IPO7: variants seen among roughly 807,000 people sequenced by gnomAD.
IPO7 encodes the protein importin 7.
A neutral mutation model predicts 136.4 loss-of-function variants in IPO7; 13 were observed. That is an observed-to-expected ratio of 0.10 (90% CI 0.06 to 0.15). The LOEUF (loss-of-function observed/expected upper bound fraction) is 0.15. Ranked by LOEUF, IPO7 falls within the 10% of genes least tolerant of loss-of-function variation. The pLI, the probability that IPO7 is intolerant of heterozygous loss-of-function variation, is 1.00. For missense variants in IPO7, 857 were observed against 1,240.6 expected (o/e 0.69, Z 4.65); for synonymous variants, 403 against 404.4 (o/e 1.00, Z 0.04).
chr11:9,422,258 CAAAT>C (rs939178979), intron 8 of IPO7, among the ~76,000 whole-genome samples: 38 of 151,790 alleles, frequency 2.5e-4, no homozygotes, highest in African/African-American at 7.0e-4. Flanking sequence ...AACTCCATCT[CAAAT>C]AAATAAATAA....
chr11:9,427,539 C>T (rs868171380), intron 12 of IPO7, among the ~76,000 whole-genome samples: 1 of 152,214 alleles, frequency 6.6e-6, no homozygotes, highest in Non-Finnish European at 1.5e-5. Flanking sequence ...GGATTACAGG[C>T]GTGAATCACT....
Position 9,390,296 on chromosome 11 carries a change from T to G in IPO7, c.84+5449T>G, listed in dbSNP as rs1210520086. Among the ~76,000 whole-genome samples the G allele has an allele frequency of 3.0e-5, 4 of 131,448 alleles. No individual in the cohort carries two copies. The East Asian group carries it at 7.9e-4, about 26-fold the overall frequency. 86.2% of individuals were successfully genotyped at this position (131,448 alleles called of 152,430 possible). ...TCTTGATATTTTGTGTGTGTGTGTG[T>G]TTTTTTTTTTTTAACTCACACTACC... On this transcript the variant is annotated intron_variant, in intron 1 of 24. Coordinates refer to ENST00000379719, the MANE Select transcript of IPO7 (RefSeq NM_006391.3).
intron 2 of IPO7, among the ~76,000 whole-genome samples, chr11:9,404,749 G>T (rs961794920): frequency 1.3e-5 from 2 of 151,758 alleles, no homozygotes; most frequent in Non-Finnish European, 2.9e-5. Context: ...GTATTTTTTA[G>T]TAGAGACGGG....
intron 1 of IPO7, among the ~76,000 whole-genome samples, chr11:9,394,688 G>A (rs1854684603): frequency 6.6e-6 from 1 of 152,054 alleles, no homozygotes; most frequent in Admixed American, 6.6e-5. Flanking sequence ...CGTCCCTTAG[G>A]TTCTAACTTG....
chr11:9,435,347 G>A (rs770614815), intron 19 of IPO7, among the ~76,000 whole-genome samples: 1 of 152,182 alleles, frequency 6.6e-6, no homozygotes, highest in Non-Finnish European at 1.5e-5. Context: ...ATTAGGAATG[G>A]ATAGAGATGT....
chr11:9,401,702 C>T (rs780650523), intron 1 of IPO7, among the ~76,000 whole-genome samples: 5 of 152,010 alleles, frequency 3.3e-5, no homozygotes, highest in Non-Finnish European at 7.4e-5. Context: ...AATTCTATTG[C>T]ATATTCATAT....
chr11:9,406,317 T>C (rs1017127119), intron 2 of IPO7, among the ~76,000 whole-genome samples: 4 of 152,028 alleles, frequency 2.6e-5, no homozygotes, highest in African/African-American at 9.6e-5. Context: ...TTCTTTTTTA[T>C]ATATATTCAA....
rs763598868 is a variant in IPO7 at position 9,408,566 on chromosome 11, A to G, written c.247A>G (p.Ile83Val). 1.9e-6 allele frequency: 3 copies of G among 1,610,514 alleles called. No individual in the cohort carries two copies. The highest frequency in any genetic ancestry group is 2.5e-6 in the Non-Finnish European group (3 of 1,177,714). The change falls in exon 3 of 25, where the codon ATT becomes GTT. Residue 83 changes from isoleucine (I) to valine (V), a missense_variant. Ile to Val is a conservative substitution (Grantham distance 29). Around this residue, in one of 11 missense-constraint regions of IPO7, gnomAD observed 287 missense variants for 307.5 expected, o/e 0.93. Transcript: ENST00000379719. ...TAPGDISPYT[I>V]PEEDRHCIRE... ...ACCAGGGGATATATCCCCTTATACT[A>G]TTCCAGAAGAAGATCGCCATTGTAT...
chr11:9,436,859 TATATATATA>T (rs202092193), intron 20 of IPO7, among the ~76,000 whole-genome samples: 22 of 21,108 alleles, frequency 1.0e-3, no homozygotes, highest in African/African-American at 2.3e-3. Context: ...TATATATATA[TATATATATA>T]TTTTTTTTTT....
At chr11:9,385,170 C>A (rs961681469) in intron 1 of IPO7, among the ~76,000 whole-genome samples, 1 of 152,166 alleles carries the variant, frequency 6.6e-6, no homozygotes, top group Non-Finnish European at 1.5e-5. Context: ...CTGGCTCATT[C>A]CCAGCTGGTT....
At chr11:9,403,982 C>T (rs1036201082) in intron 2 of IPO7, among the ~76,000 whole-genome samples, 7 of 152,164 alleles carry the variant, frequency 4.6e-5, no homozygotes, top group African/African-American at 1.7e-4. Context: ...CTGCCTTAGC[C>T]TCCTGAGTAG....
chr11:9,394,922 T>C (rs1382193399), intron 1 of IPO7, among the ~76,000 whole-genome samples: 1 of 152,162 alleles, frequency 6.6e-6, no homozygotes, highest in East Asian at 1.9e-4. Context: ...GATTTTGTGT[T>C]ATGGTTAAGA....
At chr11:9,415,213 T>G (rs1470077964) in intron 5 of IPO7, among the ~76,000 whole-genome samples, 1 of 151,760 alleles carries the variant, frequency 6.6e-6, no homozygotes, top group Non-Finnish European at 1.5e-5. Context: ...ACTCTGCTAC[T>G]TGGGAGGCTG....
Position 9,436,371 on chromosome 11 carries a change from G to C in IPO7, c.2268+5G>C. On this transcript the variant is annotated splice_donor_5th_base_variant and intron_variant, in intron 20 of 24. Transcript: ENST00000379719. ...AAAGGGCGTGGCATTGACCAGGTCA[G>C]TGAAGCTAATAATGATTTGTAGTTC... 1 of 1,592,286 alleles carries C rather than the reference G, an allele frequency of 6.3e-7. No homozygotes were observed. The highest frequency in any genetic ancestry group is 8.6e-7 in the Non-Finnish European group (1 of 1,161,950).
At chr11:9,413,141 G>A (rs766368541) in intron 4 of IPO7, among the ~76,000 whole-genome samples, 7 of 152,084 alleles carry the variant, frequency 4.6e-5, no homozygotes, top group Non-Finnish European at 8.8e-5. Flanking sequence ...GCCTCCCAAA[G>A]TGCTAGGATT....
chr11:9,384,711 T>A lies in IPO7; in HGVS notation c.-53T>A. The A allele has an allele frequency of 6.9e-7, 1 of 1,447,594 alleles. No individual in the cohort carries two copies. Among genetic ancestry groups the A allele is most frequent in the Non-Finnish European group, 9.5e-7 (1 of 1,056,694 alleles). The allele number at this position is 1,447,594 out of a possible 1,614,324, so 89.7% of individuals were successfully genotyped here. On this transcript the variant is annotated 5_prime_UTR_variant, in exon 1 of 25. Coordinates refer to ENST00000379719, the MANE Select transcript of IPO7 (RefSeq NM_006391.3). The stretch of plus-strand genomic sequence containing the variant: ...GGTCCATGTGCGCAGTGAGTGGCGC[T>A]ATTCCTGGCCCAGTAGCACCCGAGC...
intron 16 of IPO7, among the ~76,000 whole-genome samples, chr11:9,431,852 G>A (rs892660092): frequency 6.6e-6 from 1 of 152,106 alleles, no homozygotes; most frequent in Non-Finnish European, 1.5e-5. Context: ...GCGGGCGCCT[G>A]TAATCCCAGC....
In IPO7 at chr11:9,436,315, A is replaced by G; in HGVS notation, c.2217A>G (p.Ala739=). The change falls in exon 20 of 25, where the codon GCA becomes GCG. Residue 739 remains alanine, a synonymous_variant. Transcript: ENST00000379719. ...GAGAAGATGCAGAGTGTCATGCAGC[A>G]AAATTGTTAGAGGTCATCATTCTGC... ...VAGEDAECHA[A]KLLEVIILQC... is the part of the protein sequence containing the mutation. The G allele has an allele frequency of 6.2e-7, 1 of 1,614,032 alleles. No homozygotes were observed.
In IPO7 at chr11:9,422,792, A is replaced by G. The variant is rs149556942; in HGVS notation, c.907-214A>G. 5.3e-3 allele frequency among the ~76,000 whole-genome samples: 802 copies of G among 152,296 alleles called. 7 individuals carry two copies. Among genetic ancestry groups the G allele is most frequent in the Middle Eastern group, 6.8e-3 (2 of 294 alleles). On this transcript the variant is annotated intron_variant, in intron 8 of 24. Coordinates refer to ENST00000379719, the MANE Select transcript of IPO7 (RefSeq NM_006391.3). The stretch of plus-strand genomic sequence containing the variant: ...GTGAGACACTGTCTCTAACAACAAC[A>G]ACAAAAAAAACCCCAGAAAAACGAA...
Sources: allele counts gnomAD v4.1 joint callset (sites outside exome capture counted in the v4.1 genomes callset), GRCh38; gene constraint gnomAD v4.1.1; regional missense constraint gnomAD v4.1.1; transcripts MANE v1.5; gene names NCBI Gene and HGNC (gene_info 2026-07-23, HGNC 2026-07-21).